The following NDUFAF6 variants were observed in gnomAD, a reference collection of about 807,000 sequenced individuals.
NDUFAF6 encodes NADH dehydrogenase (ubiquinone) complex I, assembly factor 6.
In NDUFAF6, 45 loss-of-function variants were observed where a neutral mutation model predicts 40.8. The ratio of observed to expected loss-of-function variants is 1.10; its 90% CI spans 0.87 to 1.42. The LOEUF is 1.42. NDUFAF6 is among the 40% of genes most tolerant of loss of function. The pLI, the probability that NDUFAF6 is intolerant of heterozygous loss-of-function variation, is 0.00. For missense variants in NDUFAF6, 435 were observed against 418.5 expected, an observed-to-expected ratio of 1.04 and a Z score of -0.34; for synonymous variants, 185 against 155.9, an observed-to-expected ratio of 1.19 and a Z score of -1.39.
downstream of NDUFAF6, among the ~76,000 whole-genome samples, chr8:95,060,201 G>A (rs887751254): frequency 2.0e-5 from 3 of 152,106 alleles, no homozygotes; most frequent in Non-Finnish European, 2.9e-5. Context: ...CTTTATCAGT[G>A]AAATTTACTG....
intron 4 of NDUFAF6, among the ~76,000 whole-genome samples, chr8:95,112,784 C>G (rs1320532955): frequency 6.6e-6 from 1 of 152,222 alleles, no homozygotes; most frequent in Non-Finnish European, 1.5e-5. Flanking sequence ...ATATATTTCT[C>G]TGTGTGACTT....
chr8:94,931,250 A>G (rs1429834264), intron 1 of NDUFAF6, among the ~76,000 whole-genome samples: 2 of 152,236 alleles, frequency 1.3e-5, no homozygotes, highest in African/African-American at 2.4e-5. Flanking sequence ...TATTTAATAG[A>G]AATTTGCATA....
At chr8:95,113,405 A>G (rs1035528698) in intron 4 of NDUFAF6, among the ~76,000 whole-genome samples, 1 of 152,298 alleles carries the variant, frequency 6.6e-6, no homozygotes, top group South Asian at 2.1e-4. Context: ...AGGAATGATC[A>G]ACTCTGCGCC....
chr8:95,022,691 TG>T (rs1827740550), upstream of NDUFAF6, among the ~76,000 whole-genome samples: 1 of 151,428 alleles, frequency 6.6e-6, no homozygotes, highest in Non-Finnish European at 1.5e-5. Context: ...ACATTTAAAA[TG>T]GGGAAGGCCT....
intron 2 of NDUFAF6, among the ~76,000 whole-genome samples, chr8:95,007,873 C>T (rs1388124122): frequency 6.6e-5 from 10 of 151,946 alleles, no homozygotes; most frequent in African/African-American, 1.7e-4. Context: ...TACAGGCACA[C>T]GCCACCACGC....
chr8:95,108,129 G>A (rs1408282716), downstream of NDUFAF6, among the ~76,000 whole-genome samples: 4 of 152,090 alleles, frequency 2.6e-5, no homozygotes, highest in African/African-American at 9.7e-5. Context: ...GATGTAAAAT[G>A]GACAGCTGCT....
intron 1 of NDUFAF6, among the ~76,000 whole-genome samples, chr8:94,938,871 G>A (rs1821249892): frequency 6.6e-6 from 1 of 152,192 alleles, no homozygotes; most frequent in Non-Finnish European, 1.5e-5. Flanking sequence ...ACAGCTGGTT[G>A]GTCAGAAGCA....
Position 95,007,579 on chromosome 8 carries a change from G to A in NDUFAF6, c.-83-24416G>A, listed in dbSNP as rs576009111. Among the ~76,000 whole-genome samples the A allele has an allele frequency of 7.9e-5, 12 of 151,336 alleles. No individual in the cohort carries two copies. The South Asian group carries it at 8.3e-4, about 11-fold the overall frequency. ...GTTGGGAGGCTGAAGTAGGAGGATCGCTTGAGCCTGGGAAGTTGAGGCTAT... is the reference window on the plus strand; with the variant it reads ...GTTGGGAGGCTGAAGTAGGAGGATCACTTGAGCCTGGGAAGTTGAGGCTAT... On this transcript the variant is annotated intron_variant, in intron 2 of 9. Transcript: ENST00000396111.
At chr8:95,052,694 G>C (rs1429595591) in intron 8 of NDUFAF6, among the ~76,000 whole-genome samples, 3 of 152,190 alleles carry the variant, frequency 2.0e-5, no homozygotes, top group African/African-American at 7.2e-5. Flanking sequence ...CCACTGCTGA[G>C]CTGGTTGCAG....
At chr8:94,991,980 A>G (rs534004771) in intron 2 of NDUFAF6, among the ~76,000 whole-genome samples, 2 of 152,332 alleles carry the variant, frequency 1.3e-5, no homozygotes, top group African/African-American at 4.8e-5. Context: ...GTATATCTAA[A>G]GGGTTTATAC....
downstream of NDUFAF6, among the ~76,000 whole-genome samples, chr8:95,059,471 TA>T (rs1188678014): frequency 1.3e-5 from 2 of 152,202 alleles, no homozygotes; most frequent in Non-Finnish European, 2.9e-5. Flanking sequence ...AGTAGACTCT[TA>T]GTTGGTACTG....
At position 94,947,161 on chromosome 8, in the gene NDUFAF6, C is replaced by T. The variant is rs146883579; in HGVS notation, c.-799+1542C>T. On this transcript the variant is annotated intron_variant, in intron 2 of 14. Coordinates refer to the NDUFAF6 transcript ENST00000396113. ...ATTAGGGCAAAAATCCATCTGATTCCAATTCCTTGTTTTCCCTATACATGC... is the reference window on the plus strand; with the variant it reads ...ATTAGGGCAAAAATCCATCTGATTCTAATTCCTTGTTTTCCCTATACATGC... 9.7e-3 allele frequency among the ~76,000 whole-genome samples: 1,477 copies of T among 152,138 alleles called. 16 individuals carry two copies. The highest frequency in any genetic ancestry group is 0.011 in the Non-Finnish European group (777 of 68,014).
chr8:95,026,239 CG>C (rs1014283255), intron 1 of NDUFAF6, among the ~76,000 whole-genome samples: 3 of 152,056 alleles, frequency 2.0e-5, no homozygotes, highest in Non-Finnish European at 4.4e-5. Flanking sequence ...AGGCTGAGAC[CG>C]GTGGGTTGTT....
At chr8:94,902,153 T>C (rs1486004040) in intron 1 of NDUFAF6, among the ~76,000 whole-genome samples, 1 of 151,956 alleles carries the variant, frequency 6.6e-6, no homozygotes, top group Non-Finnish European at 1.5e-5. Flanking sequence ...GCGTGGTGGC[T>C]CCCACCTGTA....
chr8:95,043,639 A>G (rs1388629647), intron 4 of NDUFAF6, among the ~76,000 whole-genome samples: 3 of 152,200 alleles, frequency 2.0e-5, no homozygotes, highest in Non-Finnish European at 4.4e-5. Flanking sequence ...GATGTTCAGC[A>G]TCTTTTCATT....
At chr8:95,054,535 A>C (rs866015386) in intron 8 of NDUFAF6, among the ~76,000 whole-genome samples, 2 of 151,758 alleles carry the variant, frequency 1.3e-5, no homozygotes, top group Admixed American at 6.6e-5. Flanking sequence ...CCAGGGTTCA[A>C]GCGATTCTCC....
At chr8:94,934,077 C>CAA (rs1334851997) in intron 1 of NDUFAF6, among the ~76,000 whole-genome samples, 2 of 108,714 alleles carry the variant, frequency 1.8e-5, no homozygotes, top group Non-Finnish European at 3.8e-5. Flanking sequence ...AACTCTGTCT[C>CAA]AAAAAAAAAA....
At chr8:94,991,289 C>T (rs1826179464) in intron 2 of NDUFAF6, among the ~76,000 whole-genome samples, 1 of 152,190 alleles carries the variant, frequency 6.6e-6, no homozygotes, top group African/African-American at 2.4e-5. Context: ...TTGGCTATGA[C>T]TTTTGATTAT....
intron 1 of NDUFAF6, among the ~76,000 whole-genome samples, chr8:94,922,947 C>T (rs1819605504): frequency 2.0e-5 from 3 of 152,212 alleles, no homozygotes; most frequent in Non-Finnish European, 4.4e-5. Context: ...CTCCATGTCT[C>T]ATGGCCGTGA....
Sources: gnomAD v4.1 joint callset for allele counts (sites outside exome capture counted in the v4.1 genomes callset) on GRCh38, gnomAD v4.1.1 for gene constraint, MANE v1.5 for transcripts, NCBI Gene and HGNC (gene_info 2026-07-23, HGNC 2026-07-21) for gene names.